PROX2: variants seen among roughly 807,000 people sequenced by gnomAD.
PROX2 encodes the protein prospero homeobox 2.
Under a neutral mutation model 48.9 loss-of-function variants are expected in PROX2, and 46 were observed. The ratio of observed to expected loss-of-function variants is 0.94; its 90% CI spans 0.74 to 1.20. PROX2 has a LOEUF of 1.20. Ranked by LOEUF, PROX2 falls within the 50% of genes most tolerant of loss-of-function variation. PROX2 has a pLI of 0.00. For synonymous variants in PROX2, 260 were observed against 276.6 expected (o/e 0.94, Z 0.60); for missense variants, 663 against 719.4 (o/e 0.92, Z 0.90).
chr14:74,860,405 GA>G (rs921444403), intron 3 of PROX2, among the ~76,000 whole-genome samples: 5 of 152,006 alleles, frequency 3.3e-5, no homozygotes, highest in South Asian at 2.1e-4. Flanking sequence ...CTTAGGGGGG[GA>G]AAATCATAGG....
intron 2 of PROX2, among the ~76,000 whole-genome samples, chr14:74,870,487 A>AAATAAATACATCAAAATG (rs1202243168): frequency 2.6e-5 from 3 of 115,526 alleles, no homozygotes; most frequent in African/African-American, 1.2e-4. Context: ...CATTATAGAG[A>AAATAAATACATCAAAATG]AATAAATACA....
intron 2 of PROX2, among the ~76,000 whole-genome samples, chr14:74,868,388 G>C (rs1245243162): frequency 8.7e-6 from 1 of 114,564 alleles, no homozygotes; most frequent in Non-Finnish European, 1.8e-5. Flanking sequence ...TAGATATATA[G>C]TTTTATGCCT....
rs187596321 is a variant in PROX2 at position 74,872,339 on chromosome 14, C to G, written c.-309-1102G>C. 6.6e-5 allele frequency among the ~76,000 whole-genome samples: 10 copies of G among 152,222 alleles called. No homozygotes were observed. The East Asian group carries it at 1.9e-3, about 29-fold the overall frequency. ...TTGCAGTATTTTGTTCATTCATTTC[C>G]TAGATTCAGTTGGATTCCAACTGGA... On this transcript the variant is annotated intron_variant, in intron 1 of 5. Coordinates refer to ENST00000556489, the MANE Select transcript of PROX2 (RefSeq NM_001243007.2).
intron 5 of PROX2, chr14:74,856,534 G>A: frequency 2.4e-6 from 1 of 414,492 alleles, no homozygotes; most frequent in Non-Finnish European, 4.3e-6. Context: ...TAATGACAGG[G>A]TATTCAGTCT....
At chr14:74,875,647 C>T (rs1280806983) in intron 1 of PROX2, among the ~76,000 whole-genome samples, 1 of 152,220 alleles carries the variant, frequency 6.6e-6, no homozygotes, top group African/African-American at 2.4e-5. Context: ...GAGATGCATA[C>T]ACAGTATTAT....
intron 1 of PROX2, chr14:74,874,204 A>AT (rs1431940209): frequency 2.3e-6 from 1 of 440,074 alleles, no homozygotes; most frequent in African/African-American, 2.1e-5. Context: ...GGAAATCAAG[A>AT]TAGATATGAT....
chr14:74,853,922 T>A lies in PROX2; in HGVS notation c.*1210A>T, dbSNP rs976378864. Reference sequence around the variant, plus strand: ...CTGGGCCAGCAGCAGGGGGAAATGTTGATTTCATGAATTCCTTCATCAGTG... The same window carrying A: ...CTGGGCCAGCAGCAGGGGGAAATGTAGATTTCATGAATTCCTTCATCAGTG... On this transcript the variant is annotated 3_prime_UTR_variant, in exon 6 of 6. Coordinates refer to ENST00000556489, the MANE Select transcript of PROX2 (RefSeq NM_001243007.2). The A allele has an allele frequency of 1.2e-5, 2 of 161,660 alleles. No individual in the cohort carries two copies. Among genetic ancestry groups the A allele is most frequent in the Non-Finnish European group, 2.7e-5 (2 of 73,386 alleles). The allele number at this position is 161,660 out of a possible 1,614,324, so 10.0% of individuals were successfully genotyped here.
chr14:74,856,162 G>A (rs979633723), intron 5 of PROX2: 3 of 152,410 alleles, frequency 2.0e-5, no homozygotes, highest in Non-Finnish European at 4.4e-5. Flanking sequence ...CAGCCTAACA[G>A]CTGTCAGCTG....
intron 5 of PROX2, 107 bp downstream of exon 5, chr14:74,856,694 G>C (rs182732029): frequency 2.1e-6 from 2 of 957,572 alleles, no homozygotes; most frequent in Admixed American, 5.1e-5. Flanking sequence ...AGGCTGCCCT[G>C]GCTCTCAGTA....
chr14:74,855,500 TGA>T (rs1405445440), intron 5 of PROX2, 198 bp from the exon 6 acceptor site: 1 of 399,118 alleles, frequency 2.5e-6, no homozygotes, highest in Non-Finnish European at 4.4e-6. Flanking sequence ...ACAGCTCCAG[TGA>T]GAAAGCCCTG....
rs1235056535 is a variant in PROX2 at position 74,863,729 on chromosome 14, T to C, written c.106A>G (p.Arg36Gly). Reference sequence around the variant, plus strand: ...TGACTCCAGGGAAACGGGGAGTCTCTATCCAGCTCTGGAGGGGATGAGCTT... The same window carrying C: ...TGACTCCAGGGAAACGGGGAGTCTCCATCCAGCTCTGGAGGGGATGAGCTT... ...ERSSSPPELD[R>G]DSPFPWSQVP... is the part of the protein sequence containing the mutation. The change falls in exon 3 of 6, where the codon AGA becomes GGA. Residue 36 changes from arginine to glycine, a missense_variant. Transcript: ENST00000556489. 6 of 1,532,108 alleles carry C rather than the reference T, an allele frequency of 3.9e-6. No homozygotes were observed. Among genetic ancestry groups the C allele is most frequent in the Non-Finnish European group, 5.2e-6 (6 of 1,143,334 alleles). The allele number at this position is 1,532,108 out of a possible 1,614,324, so 94.9% of individuals were successfully genotyped here.
In PROX2 at chr14:74,863,323, C is replaced by A; in HGVS notation, c.512G>T (p.Gly171Val). ...QGPGGCGTGKGPLSAKQGNGC... is the reference protein window; with the variant it reads ...QGPGGCGTGKVPLSAKQGNGC... ...ATTCCCCTGCTTTGCACTCAGAGGG[C>A]CTTTCCCCGTGCCACAGCCTCCTGG... The change falls in exon 3 of 6, where the codon GGC (glycine) becomes GTC (valine). Residue 171 changes from glycine to valine, a missense_variant. Gly to Val is a moderately radical substitution (Grantham distance 109). Transcript: ENST00000556489. 6.2e-7 allele frequency: 1 copy of A among 1,614,062 alleles called. No individual in the cohort carries two copies. Among genetic ancestry groups the A allele is most frequent in the Admixed American group, 1.7e-5 (1 of 60,030 alleles).
chr14:74,875,584 C>T (rs916827184), intron 1 of PROX2, among the ~76,000 whole-genome samples: 2 of 152,184 alleles, frequency 1.3e-5, no homozygotes. Context: ...ATCATCCCTT[C>T]ACTGAGAACT....
Position 74,862,846 on chromosome 14 carries a change from G to C in PROX2, c.989C>G (p.Ala330Gly). ...MTPKPCQDPP[A>G]NFPLTAPSHI... Reference sequence around the variant, plus strand: ...GGAAGGTGCAGTCAAGGGAAAGTTTGCTGGGGGATCCTGACAGGGTTTGGG... The same window carrying C: ...GGAAGGTGCAGTCAAGGGAAAGTTTCCTGGGGGATCCTGACAGGGTTTGGG... The change falls in exon 3 of 6, where the codon GCA (alanine) becomes GGA (glycine). Residue 330 changes from alanine to glycine, a missense_variant. By Grantham distance (60) the Ala-to-Gly change is moderately conservative. Transcript: ENST00000556489. The C allele has an allele frequency of 6.2e-7, 1 of 1,613,990 alleles. No individual in the cohort carries two copies. The highest frequency in any genetic ancestry group is 8.5e-7 in the Non-Finnish European group (1 of 1,179,868).
chr14:74,874,251 GTTTT>G (rs35863744), intron 1 of PROX2: 930 of 278,858 alleles, frequency 3.3e-3, no homozygotes, highest in South Asian at 8.1e-3. Context: ...CATCATACAA[GTTTT>G]TTTTTTTTTT....
intron 1 of PROX2, chr14:74,874,094 G>A: frequency 1.9e-6 from 1 of 528,614 alleles, no homozygotes. Context: ...TAAAGGGATA[G>A]ATATGGCTTT....
Position 74,863,277 on chromosome 14 carries a change from C to G in PROX2, c.558G>C (p.Trp186Cys), listed in dbSNP as rs752043079. 8.1e-6 allele frequency: 13 copies of G among 1,613,956 alleles called. No homozygotes were observed. In the East Asian group the frequency reaches 2.0e-4, roughly 25 times the overall value. ...KQGNGCGPRP[W>C]VVDGDHQQGT... is the part of the protein sequence containing the mutation. ...CTTGCTGGTGGTCACCGTCCACAAC[C>G]CAGGGGCGAGGCCCACAGCCATTCC... The change falls in exon 3 of 6, where the codon TGG becomes TGC. Residue 186 changes from tryptophan to cysteine, a missense_variant. Transcript: ENST00000556489.
intron 2 of PROX2, among the ~76,000 whole-genome samples, chr14:74,866,264 C>CA (rs201485177): frequency 2.0e-5 from 3 of 151,902 alleles, no homozygotes; most frequent in South Asian, 4.1e-4. Flanking sequence ...TCTCGAAAAA[C>CA]AAAAAACAAA....
At chr14:74,872,451 TTCA>T (rs1883237762) in intron 1 of PROX2, among the ~76,000 whole-genome samples, 2 of 152,308 alleles carry the variant, frequency 1.3e-5, no homozygotes, top group South Asian at 4.1e-4. Context: ...TGCTTTTACC[TTCA>T]TCAACACTCA....
Sources: gnomAD v4.1 joint callset for allele counts (sites outside exome capture counted in the v4.1 genomes callset) on GRCh38, gnomAD v4.1.1 for gene constraint, MANE v1.5 for transcripts, NCBI Gene and HGNC (gene_info 2026-07-23, HGNC 2026-07-21) for gene names.